The following PPP4R3A variants were observed in gnomAD, a reference collection of about 807,000 sequenced individuals.
The protein encoded by PPP4R3A is protein phosphatase 4 regulatory subunit 3A.
A neutral mutation model predicts 91.7 loss-of-function variants in PPP4R3A; 15 were observed. The observed-to-expected ratio is 0.16, with a 90% confidence interval of 0.11 to 0.25. The LOEUF is 0.25. PPP4R3A is among the 10% of genes least tolerant of loss of function. The probability of loss-of-function intolerance (pLI) is 1.00; values close to 1 mark genes in which losing one functional copy is unlikely to be tolerated. For missense variants in PPP4R3A, 623 were observed against 998.4 expected (o/e 0.62, Z 5.07); for synonymous variants, 377 against 348.7 (o/e 1.08, Z -0.91).
chr14:91,493,109 C>G (rs1890321542), intron 1 of PPP4R3A, among the ~76,000 whole-genome samples: 1 of 152,052 alleles, frequency 6.6e-6, no homozygotes, highest in Non-Finnish European at 1.5e-5. Flanking sequence ...AAAAAGTAGG[C>G]TGGGCGTGGT....
At chr14:91,488,984 T>C (rs1246229922) in intron 2 of PPP4R3A, among the ~76,000 whole-genome samples, 1 of 147,252 alleles carries the variant, frequency 6.8e-6, no homozygotes, top group Non-Finnish European at 1.5e-5. Flanking sequence ...CTCGGCTCAC[T>C]GCAAGCTCCA....
chr14:91,490,715 A>T (rs749170437), intron 2 of PPP4R3A, 32 bp downstream of exon 2: 6 of 1,570,624 alleles, frequency 3.8e-6, no homozygotes, highest in Non-Finnish European at 5.2e-6. Context: ...AAAGGAAAAT[A>T]TGCAAGATAA....
At chr14:91,461,939 A>C in intron 13 of PPP4R3A, 110 bp downstream of exon 13, 2 of 1,406,988 alleles carry the variant, frequency 1.4e-6, no homozygotes, top group Non-Finnish European at 1.8e-6. Context: ...AGAGTCTTTA[A>C]ACCGTATGCC....
chr14:91,491,282 A>G (rs1890220431), intron 1 of PPP4R3A, among the ~76,000 whole-genome samples: 1 of 151,624 alleles, frequency 6.6e-6, no homozygotes. Flanking sequence ...CTGGTCTCCA[A>G]CTCCTGGGCT....
intron 14 of PPP4R3A, among the ~76,000 whole-genome samples, chr14:91,461,003 GTACCCAGA>G (rs566315328): frequency 3.4e-3 from 513 of 152,278 alleles, no homozygotes; most frequent in Non-Finnish European, 5.8e-3. Context: ...AAAGTTAGAA[GTACCCAGA>G]TATTTAGATT....
rs969368382 is a variant in PPP4R3A, at chr14:91,510,253, C to G, written c.-606G>C. 6.6e-6 allele frequency: 1 copy of G among 152,644 alleles called. No individual in the cohort carries two copies. Among genetic ancestry groups the G allele is most frequent in the Non-Finnish European group, 1.5e-5 (1 of 68,426 alleles). The allele number at this position is 152,644 out of a possible 1,614,324, so 9.5% of individuals were successfully genotyped here. On this transcript the variant is annotated 5_prime_UTR_variant, in exon 1 of 15. Transcript: ENST00000554943. ...GGTTTCCCTCCGCCGCCGTCTCTTC[C>G]GTCTTCCTCACACAGCCAAAACCGC...
At chr14:91,509,405 C>G in intron 1 of PPP4R3A, 101 bp downstream of exon 1, 1 of 1,494,288 alleles carries the variant, frequency 6.7e-7, no homozygotes, top group Non-Finnish European at 8.9e-7. Flanking sequence ...CCCAGCCGTC[C>G]CTCTGTTCTC....
intron 13 of PPP4R3A, 25 bp from the exon 14 acceptor site, chr14:91,461,632 G>A (rs779342635): frequency 1.2e-6 from 2 of 1,601,786 alleles, no homozygotes; most frequent in East Asian, 2.2e-5. Flanking sequence ...ACTGTCAATA[G>A]TCGTCCCCCA....
intron 4 of PPP4R3A, among the ~76,000 whole-genome samples, chr14:91,479,205 A>G: frequency 6.6e-6 from 1 of 151,336 alleles, no homozygotes; most frequent in Non-Finnish European, 1.5e-5. Flanking sequence ...CTGGTCTCGA[A>G]CTCCCGACCT....
At chr14:91,473,205 G>C in intron 8 of PPP4R3A, 34 bp downstream of exon 8, 1 of 1,612,418 alleles carries the variant, frequency 6.2e-7, no homozygotes. Context: ...CAATATACTA[G>C]CTATGAAAAA....
chr14:91,464,578 G>C (rs886410045), intron 11 of PPP4R3A, among the ~76,000 whole-genome samples: 3 of 151,988 alleles, frequency 2.0e-5, no homozygotes, highest in African/African-American at 7.3e-5. Flanking sequence ...GCAAAACCCT[G>C]TCTCTAAGAA....
At chr14:91,493,989 C>T (rs1595080965) in intron 1 of PPP4R3A, among the ~76,000 whole-genome samples, 1 of 150,268 alleles carries the variant, frequency 6.7e-6, no homozygotes, top group African/African-American at 2.5e-5. Context: ...GTCTTGAATT[C>T]CCAACCTCAG....
At chr14:91,479,682 C>T (rs1889434887) in intron 4 of PPP4R3A, among the ~76,000 whole-genome samples, 1 of 152,142 alleles carries the variant, frequency 6.6e-6, no homozygotes, top group Admixed American at 6.5e-5. Context: ...TCTGGGATTA[C>T]AGGCGTCCAC....
chr14:91,483,962 T>C (rs930064250), intron 3 of PPP4R3A, among the ~76,000 whole-genome samples: 2 of 152,196 alleles, frequency 1.3e-5, no homozygotes, highest in Admixed American at 1.3e-4. Flanking sequence ...GAAGACTGTA[T>C]CCAGAGTGGA....
chr14:91,486,289 A>C (rs1277511806), intron 2 of PPP4R3A, among the ~76,000 whole-genome samples: 4 of 151,682 alleles, frequency 2.6e-5, no homozygotes, highest in Non-Finnish European at 5.9e-5. Flanking sequence ...ATGGTTCAAG[A>C]AGCAGCAAAC....
intron 14 of PPP4R3A, among the ~76,000 whole-genome samples, chr14:91,459,423 A>C (rs1246606692): frequency 4.6e-5 from 7 of 152,224 alleles, no homozygotes; most frequent in Non-Finnish European, 8.8e-5. Context: ...AAAAAATTTA[A>C]GTAGTTTATA....
chr14:91,496,331 C>G (rs928887952), intron 1 of PPP4R3A, among the ~76,000 whole-genome samples: 1 of 152,100 alleles, frequency 6.6e-6, no homozygotes, highest in African/African-American at 2.4e-5. Flanking sequence ...TTTAAGAAGT[C>G]AGAAACACAT....
intron 2 of PPP4R3A, among the ~76,000 whole-genome samples, chr14:91,490,095 CTA>C (rs1311252796): frequency 6.6e-6 from 1 of 152,172 alleles, no homozygotes; most frequent in African/African-American, 2.4e-5. Flanking sequence ...ACTTCATTGG[CTA>C]TATAGAGCAC....
At chr14:91,506,645 G>C (rs938867889) in intron 1 of PPP4R3A, among the ~76,000 whole-genome samples, 4 of 151,996 alleles carry the variant, frequency 2.6e-5, no homozygotes, top group Non-Finnish European at 4.4e-5. Context: ...CCACCTCCTA[G>C]GCTCAAGTGA....
Sources: gnomAD v4.1 joint callset for allele counts (sites outside exome capture counted in the v4.1 genomes callset) on GRCh38, gnomAD v4.1.1 for gene constraint, MANE v1.5 for transcripts, NCBI Gene and HGNC (gene_info 2026-07-23, HGNC 2026-07-21) for gene names.